DLGAP3: variants seen among roughly 807,000 people sequenced by gnomAD.
The protein encoded by DLGAP3 is DLG associated protein 3.
In DLGAP3, 17 loss-of-function variants were observed where a neutral mutation model predicts 81.2. The observed-to-expected ratio is 0.21, with a 90% CI of 0.14 to 0.31. The LOEUF is 0.31. Among genes scored for constraint, DLGAP3 ranks in the 10% least tolerant of loss-of-function variants. The pLI is 1.00. For missense variants in DLGAP3, 1,124 were observed against 1,388.0 expected, an observed-to-expected ratio of 0.81 and a Z score of 3.02; for synonymous variants, 577 against 587.4, an observed-to-expected ratio of 0.98 and a Z score of 0.26.
chr1:34,926,593 C>T (rs183746356), intron 1 of DLGAP3, among the ~76,000 whole-genome samples: 5 of 152,228 alleles, frequency 3.3e-5, no homozygotes, highest in Middle Eastern at 3.4e-3. Flanking sequence ...GTTTCCTGAC[C>T]GTGGGGATGG....
Position 34,873,574 on chromosome 1 carries a change from T to C in DLGAP3, c.2001-4485A>G, listed in dbSNP as rs929979659. On this transcript the variant is annotated intron_variant, in intron 8 of 11. Coordinates refer to ENST00000373347, the MANE Select transcript of DLGAP3 (RefSeq NM_001080418.3). This position sits in a 1 kb window ranked among gnomAD's most constrained non-coding sequence, Gnocchi z 4.2. ...CATTGTGTTAGCTATTCTAGAGAAG[T>C]AGAATGGTTTGCAGCTCTCACTGAA... 6.6e-6 allele frequency among the ~76,000 whole-genome samples: 1 copy of C among 152,188 alleles called. No homozygotes were observed. The highest frequency in any genetic ancestry group is 1.5e-5 in the Non-Finnish European group (1 of 68,030).
intron 5 of DLGAP3, among the ~76,000 whole-genome samples, chr1:34,888,828 T>C (rs915338951): frequency 2.6e-5 from 4 of 152,224 alleles, no homozygotes; most frequent in African/African-American, 9.6e-5. Flanking sequence ...TGCCAGCGTA[T>C]TTCCTAAAAC....
At chr1:34,928,426 C>T (rs1639905060) in intron 1 of DLGAP3, among the ~76,000 whole-genome samples, 2 of 141,092 alleles carry the variant, frequency 1.4e-5, no homozygotes, top group South Asian at 2.1e-4. Flanking sequence ...TCCCCCCTCC[C>T]ACCCACCAGG....
intron 1 of DLGAP3, among the ~76,000 whole-genome samples, chr1:34,910,223 T>C (rs1639618237): frequency 1.3e-5 from 2 of 152,200 alleles, no homozygotes; most frequent in Non-Finnish European, 2.9e-5. Context: ...ATGCGCTCTT[T>C]ATTTAAACCA....
intron 1 of DLGAP3, among the ~76,000 whole-genome samples, chr1:34,911,334 T>C (rs1217515275): frequency 6.6e-6 from 1 of 152,216 alleles, no homozygotes; most frequent in African/African-American, 2.4e-5. Context: ...CCTTTTCCCA[T>C]GTGTGGTGAG....
intron 1 of DLGAP3, among the ~76,000 whole-genome samples, chr1:34,922,229 A>G (rs1639806794): frequency 1.3e-5 from 2 of 152,264 alleles, no homozygotes; most frequent in South Asian, 4.1e-4. Context: ...CTTTCATATG[A>G]TGGAGAACAG....
At chr1:34,888,012 A>G (rs1041463472) in intron 5 of DLGAP3, among the ~76,000 whole-genome samples, 9 of 152,214 alleles carry the variant, frequency 5.9e-5, no homozygotes, top group Non-Finnish European at 1.0e-4. Flanking sequence ...CTAAGAGACA[A>G]TCATCCCCTG....
chr1:34,889,968 T>A (rs1348436339), intron 5 of DLGAP3, among the ~76,000 whole-genome samples: 1 of 152,102 alleles, frequency 6.6e-6, no homozygotes, highest in Non-Finnish European at 1.5e-5. Context: ...TGGGCCCACA[T>A]GAAGCGTGGA....
In DLGAP3 at chr1:34,905,802, G is replaced by A. The variant is rs186888204; in HGVS notation, c.-51-368C>T. On this transcript the variant is annotated intron_variant, in intron 2 of 11. Coordinates refer to ENST00000373347, the MANE Select transcript of DLGAP3 (RefSeq NM_001080418.3). ...GAGGATCACTTGAGCCCAGCAGTTC[G>A]AGATCAACCTGGGCAACCAAGCAAG... Among the ~76,000 whole-genome samples, 6 of 151,796 alleles carry A rather than the reference G, an allele frequency of 4.0e-5. No individual in the cohort carries two copies. The East Asian group carries it at 7.8e-4, about 20-fold the overall frequency.
intron 5 of DLGAP3, among the ~76,000 whole-genome samples, chr1:34,889,894 T>C (rs1009814183): frequency 1.3e-5 from 2 of 152,164 alleles, no homozygotes; most frequent in African/African-American, 4.8e-5. Flanking sequence ...GCAGGGGCTG[T>C]TGGTCTCAGC....
chr1:34,913,442 C>T (rs1040018727), intron 1 of DLGAP3, among the ~76,000 whole-genome samples: 1 of 152,194 alleles, frequency 6.6e-6, no homozygotes, highest in Non-Finnish European at 1.5e-5. Flanking sequence ...CCCATGGCTT[C>T]CTCTGCCTCG....
chr1:34,869,024 C>T lies in DLGAP3; in HGVS notation c.2066G>A (p.Gly689Asp). 1 of 1,602,348 alleles carries T rather than the reference C, an allele frequency of 6.2e-7. No individual in the cohort carries two copies. Among genetic ancestry groups the T allele is most frequent in the South Asian group, 1.1e-5 (1 of 90,752 alleles). Residue 689 changes from glycine (G) to aspartate (D), a missense_variant, in exon 9 of 12, where the codon GGC (glycine) becomes GAC (aspartate). Gly to Asp is a moderately conservative substitution (Grantham distance 94). Transcript: ENST00000373347. The stretch of plus-strand genomic sequence containing the variant: ...GGCCACCGTGGCCAGGCCTGCCAGG[C>T]CCTCCAGCTCCAGGTCTGCCTGCAC... ...AGVQADLELE[G>D]LAGLATVATE...
At position 34,868,900 on chromosome 1, in the gene DLGAP3, C is replaced by T. The variant is rs150619481; in HGVS notation, c.2190G>A (p.Thr730=). ...PRAPTYSVFR[T]VHTQGQWAYR... ...AGGCCCACTGGCCCTGCGTGTGGAC[C>T]GTGCGGAAGACTGAGTAGGTGGGGG... Residue 730 remains threonine, a synonymous_variant, in exon 9 of 12, where the codon ACG becomes ACA. Coordinates refer to ENST00000373347, the MANE Select transcript of DLGAP3 (RefSeq NM_001080418.3). This position sits in a 1 kb window ranked among gnomAD's most constrained non-coding sequence, Gnocchi z 7.5. 3.4e-4 allele frequency: 539 copies of T among 1,605,404 alleles called. 1 individual carries two copies. The highest frequency in any genetic ancestry group is 2.5e-4 in the South Asian group (23 of 90,922).
At chr1:34,919,512 C>A (rs1423164347) in intron 1 of DLGAP3, among the ~76,000 whole-genome samples, 1 of 152,204 alleles carries the variant, frequency 6.6e-6, no homozygotes, top group Non-Finnish European at 1.5e-5. Flanking sequence ...GGTGCAGTGA[C>A]TCATACCTGT....
chr1:34,883,125 C>T (rs1639169467), intron 8 of DLGAP3, among the ~76,000 whole-genome samples: 1 of 152,144 alleles, frequency 6.6e-6, no homozygotes, highest in Non-Finnish European at 1.5e-5. Flanking sequence ...CCTATTATAT[C>T]ATAATGTGTT....
At position 34,885,081 on chromosome 1, in the gene DLGAP3, G is replaced by C; in HGVS notation, c.1915-18C>G. ...GTCTCCACCTGGTGGCAGGGTGGAG[G>C]AGTCAGTGGCTGTGGCGAGCCAAGG... On this transcript the variant is annotated intron_variant, in intron 7 of 11. Coordinates refer to ENST00000373347, the MANE Select transcript of DLGAP3 (RefSeq NM_001080418.3). 6.2e-7 allele frequency: 1 copy of C among 1,605,440 alleles called. No individual in the cohort carries two copies. The highest frequency in any genetic ancestry group is 8.5e-7 in the Non-Finnish European group (1 of 1,173,008).
chr1:34,906,430 A>G (rs1255646161), intron 2 of DLGAP3, among the ~76,000 whole-genome samples: 1 of 152,098 alleles, frequency 6.6e-6, no homozygotes, highest in African/African-American at 2.4e-5. Context: ...ATCCAGCACC[A>G]TCCCACAGAA....
intron 1 of DLGAP3, among the ~76,000 whole-genome samples, chr1:34,917,699 A>G (rs1183803423): frequency 1.3e-5 from 2 of 152,202 alleles, no homozygotes; most frequent in Non-Finnish European, 2.9e-5. Context: ...ACAAAACCTT[A>G]AATACATGTC....
intron 5 of DLGAP3, among the ~76,000 whole-genome samples, chr1:34,893,763 T>C (rs893001675): frequency 6.6e-6 from 1 of 152,236 alleles, no homozygotes; most frequent in Non-Finnish European, 1.5e-5. Flanking sequence ...TCAAATTGTA[T>C]AGTAAAAAAT....
Sources: allele counts gnomAD v4.1 joint callset (sites outside exome capture counted in the v4.1 genomes callset), GRCh38; gene constraint gnomAD v4.1.1; non-coding constraint Gnocchi (gnomAD v3.1); transcripts MANE v1.5; gene names NCBI Gene and HGNC (gene_info 2026-07-23, HGNC 2026-07-21).